Variants in SFXN1 observed in about 807,000 individuals in gnomAD.
SFXN1 encodes sideroflexin 1.
Under a neutral mutation model 39.5 loss-of-function variants are expected in SFXN1, and 32 were observed. The ratio of observed to expected loss-of-function variants is 0.81; its 90% confidence interval spans 0.61 to 1.09. The LOEUF is 1.09. SFXN1 is among the 50% of genes least tolerant of loss of function. The pLI, the probability that SFXN1 is intolerant of heterozygous loss-of-function variation, is 0.00. For synonymous variants in SFXN1, 136 were observed against 146.5 expected, an observed-to-expected ratio of 0.93 and a Z score of 0.52; for missense variants, 402 against 407.1, an observed-to-expected ratio of 0.99 and a Z score of 0.11.
rs538688564 is a variant in SFXN1 at position 175,526,485 on chromosome 5, G to T, written c.873-153G>T. On this transcript the variant is annotated intron_variant, in intron 10 of 10. Coordinates refer to ENST00000321442, the MANE Select transcript of SFXN1 (RefSeq NM_022754.7). Reference sequence around the variant, plus strand: ...AGTGACATTTTTCTGAAAGGAACGTGATCTCGTTTTCTAGCCGCATGAAGC... The same window carrying T: ...AGTGACATTTTTCTGAAAGGAACGTTATCTCGTTTTCTAGCCGCATGAAGC... Among the ~76,000 whole-genome samples, 11 of 152,294 alleles carry T rather than the reference G, an allele frequency of 7.2e-5. No individual in the cohort carries two copies. The South Asian group carries it at 2.3e-3, about 32-fold the overall frequency.
In SFXN1 at chr5:175,526,978, C is replaced by T. The variant is rs185285194; in HGVS notation, c.*244C>T. The stretch of plus-strand genomic sequence containing the variant: ...ATACCTTTCCTGTAGCTTTTATAGT[C>T]ATTGTTTTTCAAAGACGATATACCA... On this transcript the variant is annotated 3_prime_UTR_variant, in exon 11 of 11. Transcript: ENST00000321442. The T allele has an allele frequency of 8.5e-5, 42 of 496,394 alleles. No homozygotes were observed. The highest frequency in any genetic ancestry group is 1.3e-4 in the African/African-American group (7 of 51,948). 30.7% of individuals were successfully genotyped at this position (496,394 alleles called of 1,614,324 possible).
At chr5:175,506,114 G>C (rs974080735) in intron 2 of SFXN1, among the ~76,000 whole-genome samples, 1 of 152,028 alleles carries the variant, frequency 6.6e-6, no homozygotes, top group African/African-American at 2.4e-5. Flanking sequence ...CATTGTGCTC[G>C]GTCCACATTT....
In SFXN1 at chr5:175,511,486, G is replaced by T. The variant is rs1308045708; in HGVS notation, c.470G>T (p.Gly157Val). 1.2e-6 allele frequency: 2 copies of T among 1,614,056 alleles called. No homozygotes were observed. The highest frequency in any genetic ancestry group is 1.7e-6 in the Non-Finnish European group (2 of 1,180,008). ...LGTAYVSATT[G>V]AVATALGLNA... ...ACAGCTTACGTTTCTGCAACAACTG[G>T]TGCCGTAGCAACAGCTCTAGGACTC... The change falls in exon 5 of 11, where the codon GGT becomes GTT. Residue 157 changes from glycine (G) to valine (V), a missense_variant. Physicochemically the swap from Gly to Val is moderately radical, Grantham distance 109. Transcript: ENST00000321442.
chr5:175,503,708 G>T (rs1049432317), intron 2 of SFXN1, among the ~76,000 whole-genome samples: 1 of 152,098 alleles, frequency 6.6e-6, no homozygotes, highest in Non-Finnish European at 1.5e-5. Flanking sequence ...GACCTCTAAA[G>T]GAAAGGAACC....
intron 10 of SFXN1, among the ~76,000 whole-genome samples, chr5:175,524,357 T>C (rs1400435866): frequency 6.6e-6 from 1 of 151,276 alleles, no homozygotes; most frequent in Non-Finnish European, 1.5e-5. Context: ...CTAGTACTTG[T>C]TCTTTTTATT....
At chr5:175,526,124 GTTTTT>G (rs35414343) in intron 10 of SFXN1, among the ~76,000 whole-genome samples, 3 of 127,658 alleles carry the variant, frequency 2.4e-5, no homozygotes, top group Non-Finnish European at 1.7e-5. Context: ...AAATGTTTTG[GTTTTT>G]TTTTTTTTTT....
At chr5:175,511,205 C>T (rs1047919110) in intron 4 of SFXN1, among the ~76,000 whole-genome samples, 1 of 152,146 alleles carries the variant, frequency 6.6e-6, no homozygotes, top group African/African-American at 2.4e-5. Flanking sequence ...CAACTCACTT[C>T]AAAGAATACA....
chr5:175,485,309 A>G (rs188352070), intron 1 of SFXN1, among the ~76,000 whole-genome samples: 9 of 152,336 alleles, frequency 5.9e-5, no homozygotes, highest in East Asian at 3.9e-4. Flanking sequence ...CAGATATATT[A>G]TCTTAGAGTT....
At chr5:175,490,321 G>A (rs1388211993) in intron 1 of SFXN1, among the ~76,000 whole-genome samples, 3 of 152,174 alleles carry the variant, frequency 2.0e-5, no homozygotes, top group Admixed American at 6.5e-5. Flanking sequence ...CGTTAGCTTT[G>A]TAGCTGGGCT....
chr5:175,490,827 A>C (rs1288693877), intron 1 of SFXN1, among the ~76,000 whole-genome samples: 1 of 152,098 alleles, frequency 6.6e-6, no homozygotes, highest in Non-Finnish European at 1.5e-5. Flanking sequence ...AACAGCGGCC[A>C]CAAGGATGCT....
At chr5:175,525,215 T>A (rs1761021747) in intron 10 of SFXN1, among the ~76,000 whole-genome samples, 1 of 152,206 alleles carries the variant, frequency 6.6e-6, no homozygotes, top group South Asian at 2.1e-4. Context: ...TACTTAGAGA[T>A]CAGTGGCAAA....
At chr5:175,481,689 G>A (rs977048267) in intron 1 of SFXN1, among the ~76,000 whole-genome samples, 2 of 152,180 alleles carry the variant, frequency 1.3e-5, no homozygotes, top group African/African-American at 4.8e-5. Context: ...AAGGCAGGAG[G>A]CCTTGATTCT....
chr5:175,509,225 C>A (rs762487779), intron 3 of SFXN1, 23 bp downstream of exon 3: 2 of 1,587,222 alleles, frequency 1.3e-6, no homozygotes, highest in East Asian at 2.3e-5. Context: ...TATGTAGCAA[C>A]AGTGTGTTTA....
Position 175,511,982 on chromosome 5 carries a change from C to T in SFXN1, c.511-129C>T. The T allele has an allele frequency of 5.0e-6, 4 of 807,966 alleles. 1 individual carries two copies. The highest frequency in any genetic ancestry group is 3.6e-5 in the South Asian group (2 of 55,674). 50.0% of individuals were successfully genotyped at this position (807,966 alleles called of 1,614,324 possible). On this transcript the variant is annotated intron_variant, in intron 5 of 10. Transcript: ENST00000321442. Reference sequence around the variant, plus strand: ...ATACTGCTAGGAAAAGTTTTGAAAGCATTCTTGGCCTGAGTTTCTATGCAA... The same window carrying T: ...ATACTGCTAGGAAAAGTTTTGAAAGTATTCTTGGCCTGAGTTTCTATGCAA...
rs1316177944 is a variant in SFXN1, at chr5:175,524,121, AAAAAATATATATATATATATATATAT to A, written c.872+1701_872+1726del. On this transcript the variant is annotated intron_variant, in intron 10 of 10. Transcript: ENST00000321442. Reference sequence around the variant, plus strand: ...TCTGTCTCAAAAAAAAAAAAAAAAAAAAAAATATATATATATATATATATATATATATATATATATATATATATATC... The same window carrying A: ...TCTGTCTCAAAAAAAAAAAAAAAAAAATATATATATATATATATATATATC... 80 of 35,344 alleles carry A rather than the reference AAAAAATATATATATATATATATATAT, an allele frequency of 2.3e-3. 1 individual carries two copies. The highest frequency in any genetic ancestry group is 2.3e-3 in the African/African-American group (14 of 6,172). 2.2% of individuals were successfully genotyped at this position (35,344 alleles called of 1,614,324 possible). A position where few individuals can be genotyped will look rare whatever the true frequency, so the allele number is the denominator to read the frequency against.
At position 175,494,320 on chromosome 5, in the gene SFXN1, GA is replaced by G. The variant is rs1311294621; in HGVS notation, c.164+2056del. ...AAAGCTATTAAAAAGGAACATGTCA[GA>G]AAGGGCTCAATCTTTTCATCTCTAC... On this transcript the variant is annotated intron_variant, in intron 2 of 10. Transcript: ENST00000321442. Among the ~76,000 whole-genome samples, 11 of 152,314 alleles carry G rather than the reference GA, an allele frequency of 7.2e-5. 1 individual carries two copies. Among genetic ancestry groups the G allele is most frequent in the Admixed American group, 4.6e-4 (7 of 15,298 alleles).
chr5:175,492,193 T>G lies in SFXN1; in HGVS notation c.90T>G (p.Thr30=). Residue 30 remains threonine, a synonymous_variant, in exon 2 of 11, where the codon ACT becomes ACG. Transcript: ENST00000321442. ...TTGGACGAGCCAATCATTTCTTCAC[T>G]GTAACTGACCCCAGGAACATTCTGT... is the stretch of plus-strand genomic sequence containing the variant. ...TFIGRANHFF[T]VTDPRNILLT... 1 of 1,614,140 alleles carries G rather than the reference T, an allele frequency of 6.2e-7. No individual in the cohort carries two copies. Among genetic ancestry groups the G allele is most frequent in the Non-Finnish European group, 8.5e-7 (1 of 1,180,022 alleles).
At chr5:175,526,228 TG>T (rs1370505357) in intron 10 of SFXN1, among the ~76,000 whole-genome samples, 3 of 151,684 alleles carry the variant, frequency 2.0e-5, no homozygotes, top group African/African-American at 7.3e-5. Flanking sequence ...AGATTATCAA[TG>T]TTATGCATTT....
At chr5:175,510,229 A>T in intron 4 of SFXN1, 22 bp downstream of exon 4, 2 of 1,576,062 alleles carry the variant, frequency 1.3e-6, no homozygotes. Flanking sequence ...AGAATTGACC[A>T]CTCTCTGCAG....
Sources: allele counts gnomAD v4.1 joint callset (sites outside exome capture counted in the v4.1 genomes callset), GRCh38; gene constraint gnomAD v4.1.1; transcripts MANE v1.5; gene names NCBI Gene and HGNC (gene_info 2026-07-23, HGNC 2026-07-21).